Variants in NPAS3 observed in about 807,000 individuals in gnomAD.
NPAS3 encodes the protein neuronal PAS domain-containing protein 3.
A neutral mutation model predicts 73.1 loss-of-function variants in NPAS3; 14 were observed. That is an observed-to-expected ratio of 0.19 (90% CI 0.13 to 0.30). The LOEUF is 0.30. NPAS3 is among the 10% of genes least tolerant of loss of function. NPAS3 has a pLI of 1.00. For missense variants in NPAS3, 1,096 were observed against 1,250.0 expected (o/e 0.88, Z 1.86); for synonymous variants, 620 against 541.5 (o/e 1.14, Z -2.01).
At position 32,939,351 on chromosome 14, in the gene NPAS3, CT is replaced by C; in HGVS notation, c.37del (p.Ser13ProfsTer6). ...ACCAAGCCCAGCTTTCAGCAGGATC[CT>C]TCCAGGCGAGAACGGTAACACTTTT... On this transcript the variant is annotated frameshift_variant, in exon 1 of 12. Transcript: ENST00000356141. LOFTEE classifies it high-confidence loss of function. 1.4e-6 allele frequency: 1 copy of C among 725,470 alleles called. No individual in the cohort carries two copies. Among genetic ancestry groups the C allele is most frequent in the East Asian group, 3.4e-5 (1 of 29,032 alleles). 44.9% of individuals were successfully genotyped at this position (725,470 alleles called of 1,614,324 possible).
chr14:33,021,058 C>T (rs955938364), intron 1 of NPAS3, among the ~76,000 whole-genome samples: 2 of 152,170 alleles, frequency 1.3e-5, no homozygotes, highest in Non-Finnish European at 2.9e-5. Context: ...GCCACTGCAC[C>T]CGGCCAGGTC....
intron 1 of NPAS3, among the ~76,000 whole-genome samples, chr14:33,007,661 AACTTAT>A (rs1321719773): frequency 6.6e-6 from 1 of 152,244 alleles, no homozygotes; most frequent in African/African-American, 2.4e-5. Context: ...CTGACCCTTT[AACTTAT>A]ACTTTGTATA....
chr14:33,297,872 T>G (rs1239979802), intron 3 of NPAS3, among the ~76,000 whole-genome samples: 2 of 152,170 alleles, frequency 1.3e-5, no homozygotes, highest in Non-Finnish European at 2.9e-5. Flanking sequence ...CTATTCCAAG[T>G]TTTCAGGCAG....
At chr14:33,354,404 C>T (rs2045235621) in intron 3 of NPAS3, among the ~76,000 whole-genome samples, 1 of 152,164 alleles carries the variant, frequency 6.6e-6, no homozygotes, top group Non-Finnish European at 1.5e-5. Flanking sequence ...ATGGCTGCCG[C>T]TTTATCCACC....
intron 2 of NPAS3, among the ~76,000 whole-genome samples, chr14:33,082,337 G>A (rs8007455): frequency 0.2 from 29,901 of 152,150 alleles, 3,480 homozygotes; most frequent in Non-Finnish European, 0.28. Context: ...GTAAAGTTAA[G>A]GTGACTTTGG....
chr14:32,938,476 A>AAATG (rs1380337048), upstream of NPAS3, among the ~76,000 whole-genome samples: 1 of 113,442 alleles, frequency 8.8e-6, no homozygotes, highest in Non-Finnish European at 1.9e-5. Flanking sequence ...AGAGAGAGAG[A>AAATG]GAGAGAAATT....
At chr14:33,790,168 G>T (rs2063315536) in intron 9 of NPAS3, among the ~76,000 whole-genome samples, 1 of 152,146 alleles carries the variant, frequency 6.6e-6, no homozygotes, top group African/African-American at 2.4e-5. Context: ...TAAGCTCATT[G>T]TGTGATGAGT....
intron 9 of NPAS3, among the ~76,000 whole-genome samples, chr14:33,783,608 C>A (rs111987863): frequency 0.019 from 2,257 of 120,006 alleles, 63 homozygotes; most frequent in African/African-American, 0.067. Flanking sequence ...TGTGGGGGGG[C>A]GGGTACCGGC....
At chr14:33,504,056 C>T (rs535200075) in intron 4 of NPAS3, among the ~76,000 whole-genome samples, 72 of 152,034 alleles carry the variant, frequency 4.7e-4, no homozygotes, top group Middle Eastern at 3.4e-3. Flanking sequence ...TGACACCCAC[C>T]GCACATAGGG....
At chr14:32,936,143 A>C (rs2035688119), upstream of NPAS3, among the ~76,000 whole-genome samples, 1 of 152,244 alleles carries the variant, frequency 6.6e-6, no homozygotes, top group Admixed American at 6.5e-5. Flanking sequence ...TAAACTGAAA[A>C]GGTTAAGATA....
At chr14:33,754,651 G>A (rs1481409708) in intron 7 of NPAS3, among the ~76,000 whole-genome samples, 1 of 152,118 alleles carries the variant, frequency 6.6e-6, no homozygotes, top group African/African-American at 2.4e-5. Context: ...GTACAAACAG[G>A]TAATCCATCT....
intron 5 of NPAS3, among the ~76,000 whole-genome samples, chr14:33,643,375 T>TAAAAAAAAAAAA (rs755879056): frequency 2.1e-5 from 2 of 94,662 alleles, no homozygotes; most frequent in Non-Finnish European, 4.1e-5. Context: ...AAATAAAAAT[T>TAAAAAAAAAAAA]AAAAAAAAAA....
At chr14:33,283,552 G>A (rs1177788543) in intron 3 of NPAS3, among the ~76,000 whole-genome samples, 1 of 152,152 alleles carries the variant, frequency 6.6e-6, no homozygotes, top group African/African-American at 2.4e-5. Flanking sequence ...GGAATCATCT[G>A]ACCACATTTT....
chr14:33,433,920 G>A (rs941260878), intron 4 of NPAS3, among the ~76,000 whole-genome samples: 1 of 152,222 alleles, frequency 6.6e-6, no homozygotes, highest in Non-Finnish European at 1.5e-5. Context: ...GCCGGGCATG[G>A]TGGCTCACGC....
intron 3 of NPAS3, among the ~76,000 whole-genome samples, chr14:33,301,662 ATACT>A (rs1347897188): frequency 6.6e-6 from 1 of 152,174 alleles, no homozygotes; most frequent in Non-Finnish European, 1.5e-5. Flanking sequence ...CATTACTAAA[ATACT>A]TATATAGGCA....
intron 2 of NPAS3, among the ~76,000 whole-genome samples, chr14:33,159,553 C>CTT (rs11389432): frequency 0.031 from 3,746 of 121,338 alleles, 173 homozygotes; most frequent in East Asian, 0.083. Context: ...TTATAATGAG[C>CTT]TTTTTTTTTT....
intron 2 of NPAS3, among the ~76,000 whole-genome samples, chr14:33,154,047 T>G (rs2044557918): frequency 6.6e-6 from 1 of 152,176 alleles, no homozygotes; most frequent in Non-Finnish European, 1.5e-5. Context: ...TTAGAACTCT[T>G]TGTTGTACAA....
intron 3 of NPAS3, among the ~76,000 whole-genome samples, chr14:33,284,764 ATATCTATCTATC>A (rs71118536): frequency 0.23 from 34,289 of 148,616 alleles, 4,160 homozygotes; most frequent in Middle Eastern, 0.31. Flanking sequence ...ATCTATATCT[ATATCTATCTATC>A]TATCTATCTA....
chr14:33,361,386 G>A (rs184625385), intron 3 of NPAS3, among the ~76,000 whole-genome samples: 4 of 152,330 alleles, frequency 2.6e-5, no homozygotes, highest in Admixed American at 2.0e-4. Context: ...AAGAAGCCGA[G>A]AAGTGCATAG....
Sources: gnomAD v4.1 joint callset for allele counts (sites outside exome capture counted in the v4.1 genomes callset) on GRCh38, gnomAD v4.1.1 for gene constraint, MANE v1.5 for transcripts, NCBI Gene and HGNC (gene_info 2026-07-23, HGNC 2026-07-21) for gene names.